Variants in NUP88 observed in about 807,000 individuals in gnomAD.
NUP88 encodes nucleoporin 88, also known as nuclear pore complex protein Nup88.
A neutral mutation model predicts 93.9 loss-of-function variants in NUP88; 57 were observed. The ratio of observed to expected loss-of-function variants is 0.61; its 90% CI spans 0.49 to 0.76. The LOEUF is 0.76. NUP88 is among the 30% of genes least tolerant of loss of function. The pLI is 0.00. For synonymous variants in NUP88, 346 were observed against 336.8 expected, an observed-to-expected ratio of 1.03 and a Z score of -0.30; for missense variants, 911 against 901.0, an observed-to-expected ratio of 1.01 and a Z score of -0.14.
At position 5,387,611 on chromosome 17, in the gene NUP88, T is replaced by C. The variant is rs1479557805; in HGVS notation, c.1829A>G (p.Glu610Gly). The C allele has an allele frequency of 6.2e-7, 1 of 1,612,974 alleles. No individual in the cohort carries two copies. The highest frequency in any genetic ancestry group is 1.3e-5 in the African/African-American group (1 of 74,830). Residue 610 changes from glutamate to glycine, a missense_variant, in exon 13 of 17, where the codon GAA (glutamate) becomes GGA (glycine). Physicochemically the swap from Glu to Gly is moderately conservative, Grantham distance 98. Coordinates refer to ENST00000573584, the MANE Select transcript of NUP88 (RefSeq NM_002532.6). ...TCTTATTTTTGACACTTACCTCTCTTCTCGACAATAACTGAGATCTTCTAG... is the reference window on the plus strand; with the variant it reads ...TCTTATTTTTGACACTTACCTCTCTCCTCGACAATAACTGAGATCTTCTAG... ...KQLEDLSYCR[E>G]ERKSLREMAE...
intron 3 of NUP88, among the ~76,000 whole-genome samples, chr17:5,411,730 G>A (rs1772312560): frequency 6.6e-6 from 1 of 152,128 alleles, no homozygotes; most frequent in African/African-American, 2.4e-5. Flanking sequence ...GTGAAAAAGG[G>A]AATTTTCAAA....
intron 9 of NUP88, among the ~76,000 whole-genome samples, chr17:5,394,637 A>G (rs1215592027): frequency 2.6e-5 from 4 of 152,046 alleles, no homozygotes; most frequent in African/African-American, 9.7e-5. Flanking sequence ...GAGTTAGCCA[A>G]GAGAAGACAG....
chr17:5,386,008 C>T lies in NUP88; in HGVS notation c.*198G>A, dbSNP rs1911927184. 2 of 526,308 alleles carry T rather than the reference C, an allele frequency of 3.8e-6. No homozygotes were observed. The highest frequency in any genetic ancestry group is 6.6e-6 in the Non-Finnish European group (2 of 301,490). The allele number at this position is 526,308 out of a possible 1,614,324, so 32.6% of individuals were successfully genotyped here. A position where few individuals can be genotyped will look rare whatever the true frequency, so the allele number is the denominator to read the frequency against. The stretch of plus-strand genomic sequence containing the variant: ...AGTCCTTGCTGAACACAACTGTAGG[C>T]TTGAGTTATAAAGCACATTCCAAAT... On this transcript the variant is annotated 3_prime_UTR_variant, in exon 17 of 17. Coordinates refer to ENST00000573584, the MANE Select transcript of NUP88 (RefSeq NM_002532.6).
At chr17:5,407,047 A>G (rs1913540272) in intron 5 of NUP88, among the ~76,000 whole-genome samples, 2 of 152,174 alleles carry the variant, frequency 1.3e-5, no homozygotes, top group Admixed American at 1.3e-4. Flanking sequence ...GAGAAAGGGT[A>G]AGGGAAGGTA....
chr17:5,413,640 G>C (rs1036265209), intron 3 of NUP88, among the ~76,000 whole-genome samples: 2 of 152,156 alleles, frequency 1.3e-5, no homozygotes, highest in African/African-American at 4.8e-5. Context: ...AAAAGCTCAA[G>C]ATCTCAAAGA....
chr17:5,392,880 C>G (rs947128634), intron 9 of NUP88, among the ~76,000 whole-genome samples: 1 of 152,120 alleles, frequency 6.6e-6, no homozygotes. Context: ...GCCTTGACCT[C>G]GTGGGCTCAA....
rs1913345088 is a variant in NUP88 at position 5,404,167 on chromosome 17, A to G, written c.1124T>C (p.Leu375Ser). The G allele has an allele frequency of 1.9e-6, 3 of 1,614,080 alleles. No homozygotes were observed. Among genetic ancestry groups the G allele is most frequent in the Non-Finnish European group, 2.5e-6 (3 of 1,180,012 alleles). Residue 375 changes from leucine to serine, a missense_variant, in exon 7 of 17, where the codon TTG becomes TCG. Coordinates refer to ENST00000573584, the MANE Select transcript of NUP88 (RefSeq NM_002532.6). ...GTCATCCTCTCCAGATGCCAGTTTC[A>G]AAGCAAGCTCCAACTCAACACATTC... ...VFECVELELALKLASGEDDPF... is the reference protein window; with the variant it reads ...VFECVELELASKLASGEDDPF...
At chr17:5,398,291 TTTTG>T (rs757913095) in intron 8 of NUP88, among the ~76,000 whole-genome samples, 5 of 151,752 alleles carry the variant, frequency 3.3e-5, no homozygotes, top group African/African-American at 7.3e-5. Context: ...TTGTGTCAGT[TTTTG>T]TTTGTTTGTT....
chr17:5,416,731 T>C, intron 1 of NUP88, 49 bp from the exon 2 acceptor site: 5 of 1,440,960 alleles, frequency 3.5e-6, no homozygotes, highest in Middle Eastern at 1.9e-4. Context: ...AATTTAAATA[T>C]AGGTGGCAGT....
rs547967988 is a variant in NUP88, at chr17:5,414,120, G to A, written c.482C>T (p.Ala161Val). Residue 161 changes from alanine (A) to valine (V), a missense_variant, in exon 3 of 17, where the codon GCG (alanine) becomes GTG (valine). Coordinates refer to ENST00000573584, the MANE Select transcript of NUP88 (RefSeq NM_002532.6). ...STVNCSTTPV[A>V]ERFFTSSTSL... ...GGTGGAACTGGTGAAAAATCTCTCC[G>A]CAACTGGAGTGGTACTAAAATAAAG... 1.4e-5 allele frequency: 22 copies of A among 1,613,140 alleles called. No homozygotes were observed. Among genetic ancestry groups the A allele is most frequent in the African/African-American group, 2.7e-5 (2 of 75,022 alleles).
intron 4 of NUP88, among the ~76,000 whole-genome samples, chr17:5,410,007 G>A (rs951718499): frequency 4.6e-5 from 7 of 152,204 alleles, no homozygotes; most frequent in African/African-American, 1.7e-4. Flanking sequence ...AAGGCAATCA[G>A]GTGGCATACC....
At chr17:5,410,504 G>A (rs1913771241) in intron 4 of NUP88, among the ~76,000 whole-genome samples, 199 bp downstream of exon 4, 1 of 152,068 alleles carries the variant, frequency 6.6e-6, no homozygotes, top group Non-Finnish European at 1.5e-5. Context: ...GCTGAGACGA[G>A]CAGGATCACT....
chr17:5,389,058 A>G (rs1030837071), intron 10 of NUP88, 98 bp from the exon 11 acceptor site: 41 of 908,412 alleles, frequency 4.5e-5, no homozygotes, highest in Non-Finnish European at 5.8e-5. Flanking sequence ...CAGAATATAA[A>G]ATAAAGTGTA....
Position 5,419,534 on chromosome 17 carries a change from A to G in NUP88, c.117T>C (p.Ala39=). Residue 39 remains alanine, a synonymous_variant, in exon 1 of 17, where the codon GCT becomes GCC. Transcript: ENST00000573584. ...EGLKNQSPTE[A]EKPASSSLPS... The stretch of plus-strand genomic sequence containing the variant: ...GCAACGACGAAGAAGCTGGTTTCTC[A>G]GCTTCGGTTGGACTCTGGTTTTTCA... The G allele has an allele frequency of 6.2e-7, 1 of 1,613,792 alleles. No homozygotes were observed.
intron 9 of NUP88, among the ~76,000 whole-genome samples, chr17:5,393,119 ATTT>A (rs35980233): frequency 6.6e-6 from 1 of 150,484 alleles, no homozygotes; most frequent in Non-Finnish European, 1.5e-5. Context: ...CACCCAGCTA[ATTT>A]TTTTTTTGTA....
intron 3 of NUP88, among the ~76,000 whole-genome samples, chr17:5,413,743 A>G (rs546671374): frequency 6.6e-6 from 1 of 152,322 alleles, no homozygotes; most frequent in African/African-American, 2.4e-5. Flanking sequence ...AAAGGGTGAC[A>G]ATGATGAAAG....
At chr17:5,418,681 C>T (rs1194475175) in intron 1 of NUP88, among the ~76,000 whole-genome samples, 3 of 152,106 alleles carry the variant, frequency 2.0e-5, no homozygotes, top group Non-Finnish European at 2.9e-5. Context: ...AGAATTGGAC[C>T]GGGCACACAA....
intron 2 of NUP88, among the ~76,000 whole-genome samples, 165 bp downstream of exon 2, chr17:5,416,348 T>C: frequency 6.6e-6 from 1 of 151,778 alleles, no homozygotes; most frequent in Non-Finnish European, 1.5e-5. Context: ...GTACAATCAA[T>C]TACACATATA....
chr17:5,408,754 G>C lies in NUP88; in HGVS notation c.836C>G (p.Thr279Arg). The part of the protein sequence containing the change: ...ILYENGETFL[T>R]YISLLHSPGN... ...TTACCTGTGTAACAGACTGATGTATGTCAGGAAAGTCTCTCCATTTTCATA... is the reference window on the plus strand; with the variant it reads ...TTACCTGTGTAACAGACTGATGTATCTCAGGAAAGTCTCTCCATTTTCATA... Residue 279 changes from threonine to arginine, a missense_variant, in exon 5 of 17, where the codon ACA (threonine) becomes AGA (arginine). Thr to Arg is a moderately conservative substitution (Grantham distance 71). Coordinates refer to ENST00000573584, the MANE Select transcript of NUP88 (RefSeq NM_002532.6). 1 of 1,607,552 alleles carries C rather than the reference G, an allele frequency of 6.2e-7. No homozygotes were observed. Among genetic ancestry groups the C allele is most frequent in the Non-Finnish European group, 8.5e-7 (1 of 1,177,806 alleles).
Sources: gnomAD v4.1 joint callset for allele counts (sites outside exome capture counted in the v4.1 genomes callset) on GRCh38, gnomAD v4.1.1 for gene constraint, MANE v1.5 for transcripts, NCBI Gene and HGNC (gene_info 2026-07-23, HGNC 2026-07-21) for gene names.